Variants in PTPN3 observed in about 807,000 individuals in gnomAD.
The protein encoded by PTPN3 is tyrosine-protein phosphatase non-receptor type 3.
PTPN3 carries 96 observed loss-of-function variants against 132.7 expected under a neutral mutation model. That is an observed-to-expected ratio of 0.72 (90% CI 0.61 to 0.86). PTPN3 has a LOEUF of 0.86. Ranked by LOEUF, PTPN3 falls within the 40% of genes least tolerant of loss-of-function variation. PTPN3 has a pLI of 0.00. For missense variants in PTPN3, 1,125 were observed against 1,159.6 expected, an observed-to-expected ratio of 0.97 and a Z score of 0.43; for synonymous variants, 398 against 429.0, an observed-to-expected ratio of 0.93 and a Z score of 0.89.
rs776895172 is a variant in PTPN3 at position 109,417,582 on chromosome 9, T to C, written c.1313+2842A>G. Reference sequence around the variant, plus strand: ...TCACCAGGTACAGACCAGTCTGTACTTCTTACCTGGAGCAATGGGGGTTCC... The same window carrying C: ...TCACCAGGTACAGACCAGTCTGTACCTCTTACCTGGAGCAATGGGGGTTCC... On this transcript the variant is annotated intron_variant, in intron 14 of 25. Transcript: ENST00000374541. 7.9e-4 allele frequency: 782 copies of C among 984,624 alleles called. 1 individual carries two copies. The highest frequency in any genetic ancestry group is 1.0e-3 in the Middle Eastern group (2 of 1,936). 61.0% of individuals were successfully genotyped at this position (984,624 alleles called of 1,614,324 possible).
At chr9:109,458,202 A>T (rs1293821734) in intron 2 of PTPN3, among the ~76,000 whole-genome samples, 2 of 152,144 alleles carry the variant, frequency 1.3e-5, no homozygotes, top group Non-Finnish European at 2.9e-5. Flanking sequence ...GGACCACACA[A>T]ATGGTCATCT....
At chr9:109,472,398 C>T (rs1052066952) in intron 1 of PTPN3, among the ~76,000 whole-genome samples, 8 of 152,176 alleles carry the variant, frequency 5.3e-5, no homozygotes, top group Admixed American at 1.3e-4. Context: ...ATTTATCAGG[C>T]TTTGAAAATG....
intron 10 of PTPN3, among the ~76,000 whole-genome samples, chr9:109,431,537 T>C (rs1476997455): frequency 2.0e-5 from 3 of 152,218 alleles, no homozygotes; most frequent in Non-Finnish European, 4.4e-5. Context: ...TGGAGTTTCT[T>C]GCTTCCTCTG....
intron 19 of PTPN3, among the ~76,000 whole-genome samples, chr9:109,399,539 A>G (rs1319184601): frequency 6.6e-6 from 1 of 152,096 alleles, no homozygotes; most frequent in Non-Finnish European, 1.5e-5. Context: ...TGCTCTAGAA[A>G]TGCTAATTAT....
intron 14 of PTPN3, among the ~76,000 whole-genome samples, chr9:109,419,939 G>GT (rs1842775696): frequency 6.6e-6 from 1 of 152,162 alleles, no homozygotes; most frequent in African/African-American, 2.4e-5. Flanking sequence ...TCTAACGTTT[G>GT]TTTCTTTATA....
At chr9:109,508,452 G>A in the PTPN3 span, among the ~76,000 whole-genome samples, 3 of 152,124 alleles carry the variant, frequency 2.0e-5, no homozygotes, top group African/African-American at 4.8e-5. Context: ...GAGCCACCGC[G>A]CCTGGCCTGT....
At chr9:109,521,846 A>G in the PTPN3 span, among the ~76,000 whole-genome samples, 1 of 152,202 alleles carries the variant, frequency 6.6e-6, no homozygotes, top group Non-Finnish European at 1.5e-5. Flanking sequence ...TAGAACTAAT[A>G]TGAATGGGCT....
the PTPN3 span, among the ~76,000 whole-genome samples, chr9:109,506,853 T>C: frequency 6.6e-6 from 1 of 152,208 alleles, no homozygotes; most frequent in Admixed American, 6.5e-5. Context: ...TCCTCCCGTC[T>C]TGGCTTCCCA....
chr9:109,450,000 T>C (rs1480955145), intron 5 of PTPN3: 1 of 983,854 alleles, frequency 1.0e-6, no homozygotes, highest in East Asian at 1.1e-4. Context: ...ATCTCCATTT[T>C]TACAGATGAC....
At chr9:109,459,589 C>T (rs1845735348) in intron 2 of PTPN3, among the ~76,000 whole-genome samples, 1 of 152,142 alleles carries the variant, frequency 6.6e-6, no homozygotes, top group African/African-American at 2.4e-5. Context: ...TCTTGCTCCA[C>T]TGCCCCTGCT....
At chr9:109,400,518 A>G (rs1841003593) in intron 19 of PTPN3, among the ~76,000 whole-genome samples, 1 of 152,092 alleles carries the variant, frequency 6.6e-6, no homozygotes, top group Non-Finnish European at 1.5e-5. Context: ...AGCCTCTCAG[A>G]TATTTTCTAG....
At chr9:109,494,909 TG>T (rs1422646111) in intron 1 of PTPN3, among the ~76,000 whole-genome samples, 1 of 152,040 alleles carries the variant, frequency 6.6e-6, no homozygotes, top group African/African-American at 2.4e-5. Context: ...CAAGTTAACC[TG>T]GGGGCAGTGG....
the PTPN3 span, among the ~76,000 whole-genome samples, chr9:109,538,280 G>A: frequency 0.33 from 50,502 of 152,080 alleles, 9,080 homozygotes; most frequent in Middle Eastern, 0.45. Context: ...CCACCATGAT[G>A]CTGTTGGACT....
chr9:109,506,936 T>A, the PTPN3 span, among the ~76,000 whole-genome samples: 19 of 152,240 alleles, frequency 1.2e-4, no homozygotes, highest in Non-Finnish European at 7.3e-5. Flanking sequence ...TAACCTATTT[T>A]AAATAAAAAC....
In PTPN3 at chr9:109,427,023, C is replaced by G. The variant is rs1036248168; in HGVS notation, c.928G>C (p.Ala310Pro). The change falls in exon 12 of 26, where the codon GCA (alanine) becomes CCA (proline). Residue 310 changes from alanine (A) to proline (P), a missense_variant. By Grantham distance (27) the Ala-to-Pro change is conservative. Coordinates refer to ENST00000374541, the MANE Select transcript of PTPN3 (RefSeq NM_002829.4). ...SCVEHHTFFQ[A>P]KKLLPQEKNV... ...TTTTCCTGAGGTAGTAGCTTCTTTGCCTGAAAGAACGTATGGTGCTCAACA... is the reference window on the plus strand; with the variant it reads ...TTTTCCTGAGGTAGTAGCTTCTTTGGCTGAAAGAACGTATGGTGCTCAACA... 6 of 1,613,762 alleles carry G rather than the reference C, an allele frequency of 3.7e-6. No individual in the cohort carries two copies. In the Admixed American group the frequency reaches 8.3e-5, roughly 22 times the overall value.
chr9:109,519,235 A>G, the PTPN3 span, among the ~76,000 whole-genome samples: 1 of 152,342 alleles, frequency 6.6e-6, no homozygotes, highest in African/African-American at 2.4e-5. Context: ...TCGACTTTAC[A>G]GTGGTGTGAA....
At chr9:109,500,877 T>G (rs1158284850), upstream of PTPN3, among the ~76,000 whole-genome samples, 2 of 149,738 alleles carry the variant, frequency 1.3e-5, no homozygotes, top group African/African-American at 4.9e-5. Flanking sequence ...CAGTGAGTTG[T>G]GATGGCACCA....
intron 1 of PTPN3, among the ~76,000 whole-genome samples, chr9:109,468,973 T>C (rs1291799486): frequency 1.3e-5 from 2 of 152,246 alleles, no homozygotes. Context: ...TAAAGACAGC[T>C]TGCTAGAGTT....
intron 5 of PTPN3, among the ~76,000 whole-genome samples, chr9:109,454,077 G>C (rs1180730045): frequency 6.6e-6 from 1 of 152,126 alleles, no homozygotes; most frequent in South Asian, 2.1e-4. Flanking sequence ...CAAGAGCCTT[G>C]ATTTTAGCTC....
Sources: gnomAD v4.1 joint callset for allele counts (sites outside exome capture counted in the v4.1 genomes callset) on GRCh38, gnomAD v4.1.1 for gene constraint, MANE v1.5 for transcripts, NCBI Gene and HGNC (gene_info 2026-07-23, HGNC 2026-07-21) for gene names.